Variants in SESN1 observed in about 807,000 individuals in gnomAD.
SESN1 encodes the protein sestrin-1.
Under a neutral mutation model 59.3 loss-of-function variants are expected in SESN1, and 30 were observed. That is an observed-to-expected ratio of 0.51 (90% CI 0.38 to 0.69). The LOEUF (loss-of-function observed/expected upper bound fraction) is 0.69. Among genes scored for constraint, SESN1 ranks in the 30% least tolerant of loss-of-function variants. The pLI, the probability that SESN1 is intolerant of heterozygous loss-of-function variation, is 0.00. For missense variants in SESN1, 566 were observed against 673.0 expected (o/e 0.84, Z 1.76); for synonymous variants, 197 against 219.9 (o/e 0.90, Z 0.92).
intron 1 of SESN1, among the ~76,000 whole-genome samples, chr6:109,084,812 G>A (rs1395275882): frequency 6.6e-6 from 1 of 152,010 alleles, no homozygotes; most frequent in Admixed American, 6.6e-5. Flanking sequence ...TGAGAAGACA[G>A]ATAATTATTA....
At chr6:109,040,136 T>C (rs1041351925) in intron 1 of SESN1, among the ~76,000 whole-genome samples, 16 of 152,366 alleles carry the variant, frequency 1.1e-4, no homozygotes, top group African/African-American at 3.6e-4. Context: ...GAGATTATTA[T>C]TTGAATTGCT....
chr6:109,025,615 G>A (rs759579934), intron 1 of SESN1, among the ~76,000 whole-genome samples: 10 of 150,598 alleles, frequency 6.6e-5, no homozygotes, highest in Non-Finnish European at 1.2e-4. Context: ...GAAAGTATGG[G>A]TGAGAAACAG....
intron 1 of SESN1, among the ~76,000 whole-genome samples, chr6:109,058,456 A>G (rs1780673128): frequency 6.6e-6 from 1 of 152,172 alleles, no homozygotes; most frequent in African/African-American, 2.4e-5. Context: ...TTGTGTAAGT[A>G]CACTCTGTGA....
At chr6:109,052,417 A>G (rs555467969) in intron 1 of SESN1, among the ~76,000 whole-genome samples, 10 of 152,288 alleles carry the variant, frequency 6.6e-5, no homozygotes, top group African/African-American at 2.4e-4. Flanking sequence ...CCTACCACTC[A>G]AAGAAAGCCA....
At chr6:109,018,334 A>G (rs1471101875) in intron 1 of SESN1, among the ~76,000 whole-genome samples, 1 of 152,242 alleles carries the variant, frequency 6.6e-6, no homozygotes, top group Non-Finnish European at 1.5e-5. Flanking sequence ...GTGTGAGCAC[A>G]TTTGAACATT....
chr6:109,031,985 G>A (rs1312664773), intron 1 of SESN1, among the ~76,000 whole-genome samples: 2 of 152,104 alleles, frequency 1.3e-5, no homozygotes, highest in Non-Finnish European at 2.9e-5. Flanking sequence ...ATTTAATATT[G>A]TAAATAATTT....
intron 1 of SESN1, among the ~76,000 whole-genome samples, chr6:109,066,660 C>G (rs187438940): frequency 6.6e-6 from 1 of 152,220 alleles, no homozygotes; most frequent in East Asian, 1.9e-4. Context: ...AAAAAAGAGG[C>G]TCATGAAGAT....
intron 1 of SESN1, among the ~76,000 whole-genome samples, chr6:109,062,716 A>G (rs1177768857): frequency 2.0e-5 from 3 of 152,196 alleles, no homozygotes; most frequent in Non-Finnish European, 4.4e-5. Flanking sequence ...GTGTGAAACC[A>G]CAGGTAGTAC....
intron 1 of SESN1, among the ~76,000 whole-genome samples, chr6:109,060,264 A>C (rs1780710641): frequency 6.6e-6 from 1 of 152,186 alleles, no homozygotes; most frequent in African/African-American, 2.4e-5. Context: ...TAAAAGGAGA[A>C]TTTTTAGATA....
In SESN1 at chr6:109,001,369, T is replaced by A; in HGVS notation, c.465A>T (p.Glu155Asp). The A allele has an allele frequency of 6.2e-7, 1 of 1,613,840 alleles. No homozygotes were observed. The highest frequency in any genetic ancestry group is 8.5e-7 in the Non-Finnish European group (1 of 1,179,808). ...GATAGTGCTGAGTTTTTAAGAAACT[T>A]TCTAAATATTGTGGGTGGAAAACCA... Reference protein sequence around the residue: ...LVMVFHPQYLESFLKTQHYLL... With the variant: ...LVMVFHPQYLDSFLKTQHYLL... Residue 155 changes from glutamate (E) to aspartate (D), a missense_variant, in exon 3 of 10, where the codon GAA becomes GAT. By Grantham distance (45) the Glu-to-Asp change is conservative (BLOSUM62 2). Coordinates refer to ENST00000436639, the MANE Select transcript of SESN1 (RefSeq NM_014454.3).
intron 8 of SESN1, among the ~76,000 whole-genome samples, chr6:108,989,468 G>C (rs980316678): frequency 1.4e-5 from 2 of 140,218 alleles, no homozygotes; most frequent in South Asian, 2.3e-4. Context: ...TAGAGATATA[G>C]AAATATCTGT....
At chr6:108,989,187 G>C (rs1186057443) in intron 8 of SESN1, among the ~76,000 whole-genome samples, 1 of 152,018 alleles carries the variant, frequency 6.6e-6, no homozygotes, top group Non-Finnish European at 1.5e-5. Context: ...ATTTTTAGTA[G>C]AGACAGGGTA....
rs141769500 is a variant in SESN1, at chr6:109,078,001, T to G, written c.279+15794A>C. On this transcript the variant is annotated intron_variant, in intron 1 of 9. Coordinates refer to ENST00000436639, the MANE Select transcript of SESN1 (RefSeq NM_014454.3). ...AATTTAAATCACCAATAACTCTATT[T>G]CTAAAAGAGAACTATGGTTAATATT... Among the ~76,000 whole-genome samples the G allele has an allele frequency of 8.6e-3, 1,312 of 152,280 alleles. 23 individuals are homozygous for G. Among genetic ancestry groups the G allele is most frequent in the African/African-American group, 0.03 (1,244 of 41,560 alleles).
chr6:109,032,869 A>C (rs1405347076), intron 1 of SESN1, among the ~76,000 whole-genome samples: 3 of 152,146 alleles, frequency 2.0e-5, no homozygotes, highest in Admixed American at 2.0e-4. Flanking sequence ...TTTAAAAAAC[A>C]ATTTTTTCTT....
intron 1 of SESN1, among the ~76,000 whole-genome samples, chr6:109,021,774 T>C (rs532370907): frequency 6.6e-6 from 1 of 152,266 alleles, no homozygotes; most frequent in South Asian, 2.1e-4. Flanking sequence ...CACAGATAAA[T>C]AAGCTATGTT....
intron 1 of SESN1, among the ~76,000 whole-genome samples, chr6:109,018,704 T>G (rs139590652): frequency 1.2e-3 from 184 of 152,324 alleles, no homozygotes; most frequent in African/African-American, 4.2e-3. Context: ...TTCACTTTTT[T>G]GTTCAAGCTT....
chr6:109,092,544 G>C (rs1181571551), intron 1 of SESN1, among the ~76,000 whole-genome samples: 2 of 152,072 alleles, frequency 1.3e-5, no homozygotes, highest in African/African-American at 2.4e-5. Flanking sequence ...TGACGGCAAA[G>C]GAAAGAACAG....
In SESN1 at chr6:108,990,823, C is replaced by T. The variant is rs1391783010; in HGVS notation, c.1246G>A (p.Glu416Lys). Residue 416 changes from glutamate (E) to lysine (K), a missense_variant, in exon 8 of 10, where the codon GAA (glutamate) becomes AAA (lysine). Physicochemically the swap from Glu to Lys is moderately conservative, Grantham distance 56 (BLOSUM62 1). Transcript: ENST00000436639. ...TTTACCAAAGAATAACCATGATCTT[C>T]CCAGCAATAGTCCTAAATACAGGGA... is the stretch of plus-strand genomic sequence containing the variant. ...PTFRVQDYCW[E>K]DHGYSLVNRL... 6.2e-7 allele frequency: 1 copy of T among 1,613,702 alleles called. No individual in the cohort carries two copies. The highest frequency in any genetic ancestry group is 8.5e-7 in the Non-Finnish European group (1 of 1,179,846).
chr6:109,055,444 C>G (rs11153159), intron 1 of SESN1, among the ~76,000 whole-genome samples: 13,158 of 151,826 alleles, frequency 0.087, 768 homozygotes, highest in Middle Eastern at 0.18. Context: ...GGGTGGATCA[C>G]GAGGCCAGGA....
Sources: allele counts gnomAD v4.1 joint callset (sites outside exome capture counted in the v4.1 genomes callset), GRCh38; gene constraint gnomAD v4.1.1; transcripts MANE v1.5; gene names NCBI Gene and HGNC (gene_info 2026-07-23, HGNC 2026-07-21).